Variants in FGF14 observed in about 807,000 individuals in gnomAD.
FGF14 encodes fibroblast growth factor homologous factor 4.
FGF14 carries 5 observed loss-of-function variants against 25.5 expected under a neutral mutation model. The ratio of observed to expected loss-of-function variants is 0.20; its 90% confidence interval spans 0.10 to 0.41. The LOEUF (loss-of-function observed/expected upper bound fraction) is 0.41, where lower values mean the gene tolerates loss of function less well. FGF14 is among the 10% of genes least tolerant of loss of function. The probability of loss-of-function intolerance (pLI) is 1.00; values close to 1 mark genes in which losing one functional copy is unlikely to be tolerated. For missense variants in FGF14, 222 were observed against 320.1 expected, an observed-to-expected ratio of 0.69 and a Z score of 2.34; for synonymous variants, 138 against 118.3, an observed-to-expected ratio of 1.17 and a Z score of -1.08.
chr13:102,149,434 G>A lies in FGF14; in HGVS notation c.208+252037C>T, dbSNP rs542187014. Reference sequence around the variant, plus strand: ...TTATTATACAACTACACACAGTACTGTGAGAGAGAGACAGAGACTGAAGAC... The same window carrying A: ...TTATTATACAACTACACACAGTACTATGAGAGAGAGACAGAGACTGAAGAC... On this transcript the variant is annotated intron_variant, in intron 1 of 4. Coordinates refer to the FGF14 transcript ENST00000376131. 1.1e-4 allele frequency among the ~76,000 whole-genome samples: 16 copies of A among 152,214 alleles called. No individual in the cohort carries two copies. The South Asian group carries it at 3.1e-3, about 30-fold the overall frequency.
intron 1 of FGF14, among the ~76,000 whole-genome samples, chr13:102,045,779 C>A (rs57094194): frequency 0.04 from 6,112 of 152,164 alleles, 396 homozygotes; most frequent in African/African-American, 0.14. Context: ...ATTAAAGCAA[C>A]TGAATTCAGC....
chr13:102,003,761 C>T (rs1009296818), intron 1 of FGF14, among the ~76,000 whole-genome samples: 37 of 151,686 alleles, frequency 2.4e-4, no homozygotes, highest in African/African-American at 8.7e-4. Context: ...CTGCTCTTTC[C>T]TTTGACAGCT....
At chr13:101,939,677 A>G (rs1291634482) in intron 1 of FGF14, among the ~76,000 whole-genome samples, 1 of 152,190 alleles carries the variant, frequency 6.6e-6, no homozygotes, top group Non-Finnish European at 1.5e-5. Flanking sequence ...CCTTGTTTCT[A>G]ATTCACAGAC....
chr13:101,808,049 A>T (rs992247652), intron 3 of FGF14, among the ~76,000 whole-genome samples: 1 of 152,072 alleles, frequency 6.6e-6, no homozygotes, highest in Non-Finnish European at 1.5e-5. Flanking sequence ...AGCAAGAAAT[A>T]TACTATATAT....
intron 1 of FGF14, among the ~76,000 whole-genome samples, chr13:102,227,505 CA>C (rs1296671499): frequency 6.6e-6 from 1 of 152,086 alleles, no homozygotes; most frequent in Non-Finnish European, 1.5e-5. Context: ...TATGCATCCC[CA>C]CCCTGATGTC....
At chr13:102,139,318 C>T (rs986914271) in intron 1 of FGF14, among the ~76,000 whole-genome samples, 8 of 151,816 alleles carry the variant, frequency 5.3e-5, no homozygotes, top group Admixed American at 2.0e-4. Context: ...AAAAATCACT[C>T]GAACCCAGGA....
At chr13:101,866,204 T>C (rs928527166) in intron 3 of FGF14, among the ~76,000 whole-genome samples, 1 of 152,104 alleles carries the variant, frequency 6.6e-6, no homozygotes, top group Non-Finnish European at 1.5e-5. Context: ...TTCTCAATAA[T>C]TGCACTGAAA....
rs112781890 is a variant in FGF14, at chr13:101,947,274, C to T, written c.209-71978G>A. Among the ~76,000 whole-genome samples, 1,445 of 152,206 alleles carry T rather than the reference C, an allele frequency of 9.5e-3. 24 individuals are homozygous for T. Among genetic ancestry groups the T allele is most frequent in the African/African-American group, 0.032 (1,347 of 41,526 alleles). On this transcript the variant is annotated intron_variant, in intron 1 of 4. Coordinates refer to the FGF14 transcript ENST00000376131. ...TCAGCCACTGTGGAAAGCAGCTTGG[C>T]GATTTCTCTAAGAACTTAAAACAGA...
intron 1 of FGF14, among the ~76,000 whole-genome samples, chr13:102,059,727 T>C (rs558052794): frequency 1.3e-5 from 2 of 152,126 alleles, no homozygotes; most frequent in Admixed American, 6.5e-5. Context: ...TCTGCACGCC[T>C]GTAGCCCCAG....
intron 1 of FGF14, among the ~76,000 whole-genome samples, chr13:102,323,954 A>AGTGTGTGT (rs1555401220): frequency 9.6e-6 from 1 of 103,770 alleles, no homozygotes; most frequent in Non-Finnish European, 2.0e-5. Flanking sequence ...CCCAACGTGC[A>AGTGTGTGT]GTATGTGTGT....
chr13:102,071,797 G>C (rs1303374195), intron 1 of FGF14, among the ~76,000 whole-genome samples: 2 of 152,118 alleles, frequency 1.3e-5, no homozygotes, highest in Non-Finnish European at 2.9e-5. Context: ...CATTCAAGAT[G>C]TAACTATATA....
At chr13:102,199,012 T>C (rs143639005) in intron 1 of FGF14, among the ~76,000 whole-genome samples, 31 of 152,332 alleles carry the variant, frequency 2.0e-4, no homozygotes, top group Non-Finnish European at 4.3e-4. Flanking sequence ...TCTTGAAATA[T>C]ACAAAGAACT....
intron 1 of FGF14, among the ~76,000 whole-genome samples, chr13:102,231,555 T>G (rs1321377600): frequency 1.3e-5 from 2 of 152,230 alleles, no homozygotes; most frequent in African/African-American, 4.8e-5. Flanking sequence ...AATATACTAA[T>G]TATGCTATTT....
At chr13:101,770,587 T>A (rs1367935940) in intron 3 of FGF14, among the ~76,000 whole-genome samples, 1 of 152,168 alleles carries the variant, frequency 6.6e-6, no homozygotes, top group African/African-American at 2.4e-5. Flanking sequence ...TGTTTTCTTT[T>A]CTTGTATGAC....
upstream of FGF14, among the ~76,000 whole-genome samples, chr13:101,917,731 G>C (rs987233105): frequency 9.9e-5 from 15 of 152,210 alleles, no homozygotes; most frequent in African/African-American, 2.9e-4. Context: ...GGGTAGGTTT[G>C]TCATTTTGAA....
At chr13:102,159,868 T>C (rs1164641993) in intron 1 of FGF14, among the ~76,000 whole-genome samples, 1 of 152,186 alleles carries the variant, frequency 6.6e-6, no homozygotes, top group Non-Finnish European at 1.5e-5. Context: ...TTGTAACCAG[T>C]GTATTTAAGT....
intron 1 of FGF14, among the ~76,000 whole-genome samples, chr13:102,134,805 A>T (rs2046338835): frequency 6.6e-6 from 1 of 152,184 alleles, no homozygotes; most frequent in South Asian, 2.1e-4. Flanking sequence ...AAACAACAAA[A>T]ATCTCTGTTG....
intron 1 of FGF14, among the ~76,000 whole-genome samples, chr13:101,881,623 A>G (rs1302827832): frequency 7.5e-6 from 1 of 132,946 alleles, no homozygotes; most frequent in Non-Finnish European, 1.6e-5. Flanking sequence ...TTGGGATCCA[A>G]GTCAATCCAT....
Position 102,025,246 on chromosome 13 carries a change from C to T in FGF14, c.209-149950G>A, listed in dbSNP as rs540847360. 4.0e-5 allele frequency among the ~76,000 whole-genome samples: 6 copies of T among 151,726 alleles called. No individual in the cohort carries two copies. The East Asian group carries it at 5.8e-4, about 15-fold the overall frequency. ...TAAAATGCCAGCTGGGATTTTGATA[C>T]GAATTATGAATTGAATTGAAACTGT... is the stretch of plus-strand genomic sequence containing the variant. On this transcript the variant is annotated intron_variant, in intron 1 of 4. Transcript: ENST00000376131.
Sources: gnomAD v4.1 joint callset for allele counts (sites outside exome capture counted in the v4.1 genomes callset) on GRCh38, gnomAD v4.1.1 for gene constraint, MANE v1.5 for transcripts, NCBI Gene and HGNC (gene_info 2026-07-23, HGNC 2026-07-21) for gene names.